Variants in IGF2R observed in about 807,000 individuals in gnomAD.
IGF2R encodes the protein insulin like growth factor 2 receptor.
A neutral mutation model predicts 270.6 loss-of-function variants in IGF2R; 91 were observed. The ratio of observed to expected loss-of-function variants is 0.34; its 90% CI spans 0.28 to 0.40. The LOEUF is 0.40. IGF2R is among the 10% of genes least tolerant of loss of function. The pLI, the probability that IGF2R is intolerant of heterozygous loss-of-function variation, is 1.00. For synonymous variants in IGF2R, 1,316 were observed against 1,258.9 expected (o/e 1.05, Z -0.96); for missense variants, 2,805 against 3,188.3 (o/e 0.88, Z 2.90).
intron 1 of IGF2R, among the ~76,000 whole-genome samples, chr6:159,986,787 A>T (rs1458910519): frequency 1.4e-5 from 2 of 148,034 alleles, no homozygotes; most frequent in Non-Finnish European, 3.0e-5. Context: ...TTACTTGTGT[A>T]AGCTCAGATA....
At chr6:159,971,784 A>C (rs1162036175) in intron 1 of IGF2R, among the ~76,000 whole-genome samples, 1 of 152,088 alleles carries the variant, frequency 6.6e-6, no homozygotes, top group East Asian at 1.9e-4. Context: ...TGTAGCTGGG[A>C]TTACAGGTGT....
chr6:160,051,236 T>G (rs1444759540), intron 19 of IGF2R, among the ~76,000 whole-genome samples: 1 of 152,068 alleles, frequency 6.6e-6, no homozygotes, highest in Non-Finnish European at 1.5e-5. Flanking sequence ...CAGCAAATGA[T>G]TATTTGGGAG....
rs542886897 is a variant in IGF2R, at chr6:160,102,074, G to A, written c.6843-445G>A. Reference sequence around the variant, plus strand: ...AAGGCCCCCTGGGCCCCTTTCGTGTGGAGATGGTGTCTCATGGTGGGCTGC... The same window carrying A: ...AAGGCCCCCTGGGCCCCTTTCGTGTAGAGATGGTGTCTCATGGTGGGCTGC... On this transcript the variant is annotated intron_variant, in intron 45 of 47. Coordinates refer to ENST00000356956, the MANE Select transcript of IGF2R (RefSeq NM_000876.4). This position sits in a 1 kb window ranked among gnomAD's most constrained non-coding sequence, Gnocchi z 4.5. Among the ~76,000 whole-genome samples, 4 of 152,324 alleles carry A rather than the reference G, an allele frequency of 2.6e-5. No individual in the cohort carries two copies. In the South Asian group the frequency reaches 6.2e-4, roughly 24 times the overall value.
In IGF2R at chr6:160,018,923, A is replaced by G. The variant is rs530680998; in HGVS notation, c.514-5649A>G. Among the ~76,000 whole-genome samples the G allele has an allele frequency of 1.2e-4, 19 of 152,246 alleles. No homozygotes were observed. In the South Asian group the frequency reaches 2.3e-3, roughly 18 times the overall value. On this transcript the variant is annotated intron_variant, in intron 4 of 47. Transcript: ENST00000356956. The stretch of plus-strand genomic sequence containing the variant: ...CAAGGAACTAGAAAAAAAAGAAAAA[A>G]CCAAATTGAAACCTAGCAGAACAGA...
chr6:160,035,154 A>G (rs1348721812), intron 10 of IGF2R, among the ~76,000 whole-genome samples: 3 of 152,070 alleles, frequency 2.0e-5, no homozygotes, highest in East Asian at 3.9e-4. Flanking sequence ...GACCTGCCCC[A>G]TCTGTTGACC....
chr6:160,041,864 C>G (rs986450638), intron 11 of IGF2R, among the ~76,000 whole-genome samples: 3 of 152,188 alleles, frequency 2.0e-5, no homozygotes, highest in African/African-American at 7.2e-5. Flanking sequence ...GGAAAGAGTT[C>G]TAGCTGCAGA....
intron 9 of IGF2R, 97 bp downstream of exon 9, chr6:160,033,204 T>C: frequency 2.5e-6 from 2 of 794,984 alleles, no homozygotes; most frequent in Non-Finnish European, 2.0e-6. Context: ...TGGTGCAATC[T>C]CGGTGCATTG....
rs868060850 is a variant in IGF2R at position 160,045,838 on chromosome 6, C to G, written c.1859C>G (p.Ser620Cys). 6.2e-7 allele frequency: 1 copy of G among 1,608,512 alleles called. No individual in the cohort carries two copies. Among genetic ancestry groups the G allele is most frequent in the African/African-American group, 1.3e-5 (1 of 74,790 alleles). The part of the protein sequence containing the change: ...EWHTAAACVL[S>C]KTEGENCTVF... ...CACACAGCTGCGGCCTGTGTGCTGTCTAAGACAGAAGGGGAGAACTGCACG... is the reference window on the plus strand; with the variant it reads ...CACACAGCTGCGGCCTGTGTGCTGTGTAAGACAGAAGGGGAGAACTGCACG... The change falls in exon 14 of 48, where the codon TCT becomes TGT. Residue 620 changes from serine to cysteine, a missense_variant. Transcript: ENST00000356956.
chr6:159,993,088 T>A (rs1031891489), intron 2 of IGF2R, among the ~76,000 whole-genome samples: 10 of 152,196 alleles, frequency 6.6e-5, no homozygotes, highest in African/African-American at 2.4e-4. Context: ...TTTGCCCTCT[T>A]TTTAAAGGGG....
chr6:160,103,939 A>G (rs1779552403), intron 47 of IGF2R, 124 bp downstream of exon 47: 2 of 642,656 alleles, frequency 3.1e-6, no homozygotes, highest in East Asian at 5.7e-5. Flanking sequence ...TCCAGAAAGG[A>G]AAGCAACACC....
intron 4 of IGF2R, among the ~76,000 whole-genome samples, chr6:160,016,876 C>G (rs1213430310): frequency 3.3e-5 from 5 of 152,096 alleles, no homozygotes; most frequent in Non-Finnish European, 7.4e-5. Context: ...ACCCTCTAGT[C>G]AAAGCAAAAG....
At chr6:159,996,390 G>GCTGCTT (rs1784054170) in intron 2 of IGF2R, among the ~76,000 whole-genome samples, 1 of 152,172 alleles carries the variant, frequency 6.6e-6, no homozygotes, top group Non-Finnish European at 1.5e-5. Flanking sequence ...GTTGCTTCAG[G>GCTGCTT]CAGTGGAGTG....
In IGF2R at chr6:159,980,222, A is replaced by AGAAG. The variant is rs1562330605; in HGVS notation, c.149+10830_149+10831insGGAA. ...AAGAAAGAAAGAAAGAAAGAAAGAA[A>AGAAG]GAAAGAAAGAAAGAAAGGTACATGG... is the stretch of plus-strand genomic sequence containing the variant. On this transcript the variant is annotated intron_variant, in intron 1 of 47. Coordinates refer to ENST00000356956, the MANE Select transcript of IGF2R (RefSeq NM_000876.4). Among the ~76,000 whole-genome samples the AGAAG allele has an allele frequency of 1.4e-4, 13 of 93,254 alleles. 1 individual carries two copies. The highest frequency in any genetic ancestry group is 3.7e-4 in the African/African-American group (10 of 26,796). The allele number at this position is 93,254 out of a possible 152,430, so 61.2% of individuals were successfully genotyped here.
rs546686832 is a variant in IGF2R at position 160,011,551 on chromosome 6, G to GTT, written c.513+782_513+783dup. 4.2e-3 allele frequency among the ~76,000 whole-genome samples: 498 copies of GTT among 119,636 alleles called. 11 individuals carry two copies. The highest frequency in any genetic ancestry group is 0.014 in the East Asian group (57 of 4,082). The allele number at this position is 119,636 out of a possible 152,430, so 78.5% of individuals were successfully genotyped here. On this transcript the variant is annotated intron_variant, in intron 4 of 47. Transcript: ENST00000356956. ...ACATATGTGTTACCTCACATATTTCGTTTTTTTTTTTTTTTTTGTGAGGAC... is the reference window on the plus strand; with the variant it reads ...ACATATGTGTTACCTCACATATTTCGTTTTTTTTTTTTTTTTTTTGTGAGGAC...
At chr6:160,095,726 A>T (rs1314012187) in intron 44 of IGF2R, 2 of 152,392 alleles carry the variant, frequency 1.3e-5, no homozygotes, top group Non-Finnish European at 2.9e-5. Context: ...ACTTCAGTGA[A>T]TCAGGCTGTT....
intron 4 of IGF2R, among the ~76,000 whole-genome samples, chr6:160,016,685 G>T (rs981844861): frequency 5.9e-5 from 9 of 152,204 alleles, no homozygotes; most frequent in African/African-American, 1.2e-4. Flanking sequence ...TACTCAGAAG[G>T]CCCTGAGCCT....
intron 44 of IGF2R, among the ~76,000 whole-genome samples, chr6:160,091,511 G>A (rs1017238056): frequency 6.6e-6 from 1 of 152,236 alleles, no homozygotes; most frequent in African/African-American, 2.4e-5. Context: ...TGGTGCATCT[G>A]CTCATAGCAC....
intron 2 of IGF2R, among the ~76,000 whole-genome samples, chr6:160,000,440 G>T (rs1456283164): frequency 6.6e-6 from 1 of 152,118 alleles, no homozygotes; most frequent in African/African-American, 2.4e-5. Flanking sequence ...TTGGAAACCA[G>T]CCCCGTGATC....
chr6:160,060,654 A>G lies in IGF2R; in HGVS notation c.3199A>G (p.Thr1067Ala), dbSNP rs1202586898. Residue 1067 changes from threonine (T) to alanine (A), a missense_variant, in exon 23 of 48, where the codon ACT becomes GCT. Physicochemically the swap from Thr to Ala is moderately conservative, Grantham distance 58. Around this residue, in one of 2 missense-constraint regions of IGF2R, gnomAD observed 1,851 missense variants for 2,207.2 expected, o/e 0.84. Transcript: ENST00000356956. ...DIDSGQGIRN[T>A]YFEFETALAC... ...CGACTCTGGGCAAGGGATCCGAAAC[A>G]CTTACTTTGAGTTTGAAACCGCGTT... The G allele has an allele frequency of 6.2e-7, 1 of 1,614,206 alleles. No individual in the cohort carries two copies. Among genetic ancestry groups the G allele is most frequent in the South Asian group, 1.1e-5 (1 of 91,090 alleles).
Sources: gnomAD v4.1 joint callset for allele counts (sites outside exome capture counted in the v4.1 genomes callset) on GRCh38, gnomAD v4.1.1 for gene constraint, gnomAD v4.1.1 regional missense constraint, Gnocchi (gnomAD v3.1) non-coding constraint, MANE v1.5 for transcripts, NCBI Gene and HGNC (gene_info 2026-07-23, HGNC 2026-07-21) for gene names.